Variants in LRCH1 observed in about 807,000 individuals in gnomAD.
LRCH1 encodes leucine-rich repeat and calponin homology domain-containing protein 1.
A neutral mutation model predicts 94.9 loss-of-function variants in LRCH1; 23 were observed. The ratio of observed to expected loss-of-function variants is 0.24; its 90% CI spans 0.17 to 0.34. The LOEUF is 0.34. Among genes scored for constraint, LRCH1 ranks in the 10% least tolerant of loss-of-function variants. The pLI is 1.00. For synonymous variants in LRCH1, 364 were observed against 354.9 expected, an observed-to-expected ratio of 1.03 and a Z score of -0.29; for missense variants, 790 against 945.9, an observed-to-expected ratio of 0.84 and a Z score of 2.16.
intron 7 of LRCH1, among the ~76,000 whole-genome samples, chr13:46,690,321 A>G (rs997742182): frequency 1.3e-5 from 2 of 152,132 alleles, no homozygotes; most frequent in African/African-American, 4.8e-5. Flanking sequence ...TCAGTGGGAG[A>G]GAGGGGATAC....
chr13:46,612,176 C>A (rs2050755051), intron 1 of LRCH1, among the ~76,000 whole-genome samples: 1 of 152,118 alleles, frequency 6.6e-6, no homozygotes, highest in African/African-American at 2.4e-5. Context: ...ACCTATGTGA[C>A]AAACCTGCAC....
At chr13:46,591,908 A>G (rs1476493345) in intron 1 of LRCH1, among the ~76,000 whole-genome samples, 1 of 152,242 alleles carries the variant, frequency 6.6e-6, no homozygotes, top group East Asian at 1.9e-4. Flanking sequence ...AGTATTAGCC[A>G]TGGAGTCATT....
intron 1 of LRCH1, among the ~76,000 whole-genome samples, chr13:46,564,479 C>G (rs915913818): frequency 6.6e-6 from 1 of 152,200 alleles, no homozygotes; most frequent in East Asian, 1.9e-4. Flanking sequence ...AATTCTCTCC[C>G]CTCTGGCCAT....
At chr13:46,583,870 C>T (rs1252008046) in intron 1 of LRCH1, among the ~76,000 whole-genome samples, 2 of 151,938 alleles carry the variant, frequency 1.3e-5, no homozygotes, top group African/African-American at 4.8e-5. Context: ...AAGCAATTCT[C>T]CTGCCTCAGC....
At position 46,723,242 on chromosome 13, in the gene LRCH1, A is replaced by T; in HGVS notation, c.1781A>T (p.Asn594Ile). Residue 594 changes from asparagine to isoleucine, a missense_variant, in exon 17 of 20, where the codon AAT becomes ATT. Asn to Ile is a moderately radical substitution (Grantham distance 149). Around this residue, in one of 3 missense-constraint regions of LRCH1, gnomAD observed 460 missense variants for 508.9 expected, o/e 0.90. Coordinates refer to ENST00000389797, the MANE Select transcript of LRCH1 (RefSeq NM_001164211.2). The part of the protein sequence containing the change: ...SDNVFLRPQR[N>I]LESIDPQFTI... ...GTAGTGTTTCTAAGACCTCAGAGAA[A>T]TTTGGAATCTATAGACCCGCAGTTT... 1 of 1,612,338 alleles carries T rather than the reference A, an allele frequency of 6.2e-7. No individual in the cohort carries two copies. The highest frequency in any genetic ancestry group is 2.2e-5 in the East Asian group (1 of 44,870).
intron 11 of LRCH1, 150 bp downstream of exon 11, chr13:46,701,357 C>A (rs1273783160): frequency 3.6e-6 from 2 of 558,736 alleles, no homozygotes; most frequent in African/African-American, 3.9e-5. Flanking sequence ...TGCCTGTTTT[C>A]CCAAGATGCA....
chr13:46,619,588 G>A (rs1184587147), intron 1 of LRCH1, among the ~76,000 whole-genome samples: 1 of 152,198 alleles, frequency 6.6e-6, no homozygotes, highest in East Asian at 1.9e-4. Flanking sequence ...TTTATAAAGA[G>A]AAGATACTTG....
intron 2 of LRCH1, among the ~76,000 whole-genome samples, chr13:46,652,972 C>G (rs890052551): frequency 6.6e-6 from 1 of 152,076 alleles, no homozygotes; most frequent in Non-Finnish European, 1.5e-5. Flanking sequence ...ATGTCACCCC[C>G]AGTTGAGAAT....
intron 2 of LRCH1, among the ~76,000 whole-genome samples, chr13:46,651,731 C>T (rs2051302773): frequency 7.1e-6 from 1 of 141,050 alleles, no homozygotes. Context: ...TATGCAGTCT[C>T]ACTCTGTCAC....
chr13:46,724,846 A>G (rs567538609), intron 17 of LRCH1, among the ~76,000 whole-genome samples: 4 of 152,332 alleles, frequency 2.6e-5, no homozygotes, highest in African/African-American at 9.6e-5. Context: ...CTGTAATCCC[A>G]TTACTGGGTA....
intron 1 of LRCH1, among the ~76,000 whole-genome samples, chr13:46,628,766 G>T (rs961458689): frequency 6.6e-6 from 1 of 151,812 alleles, no homozygotes; most frequent in African/African-American, 2.4e-5. Context: ...GCCTCACTAT[G>T]AATTTCACAT....
chr13:46,660,749 G>T (rs968168417), intron 2 of LRCH1, among the ~76,000 whole-genome samples: 1 of 151,982 alleles, frequency 6.6e-6, no homozygotes. Flanking sequence ...TAAAGCTTTG[G>T]TCTTCAATCT....
intron 1 of LRCH1, among the ~76,000 whole-genome samples, chr13:46,578,213 T>C (rs761209923): frequency 6.6e-6 from 1 of 152,182 alleles, no homozygotes; most frequent in Non-Finnish European, 1.5e-5. Flanking sequence ...GTCGTCTGTG[T>C]TTAATTTGGA....
At chr13:46,594,253 A>C (rs1230588264) in intron 1 of LRCH1, among the ~76,000 whole-genome samples, 1 of 152,172 alleles carries the variant, frequency 6.6e-6, no homozygotes, top group Non-Finnish European at 1.5e-5. Flanking sequence ...GAAAAAAAAA[A>C]AAAAAGTACA....
At position 46,654,387 on chromosome 13, in the gene LRCH1, T is replaced by C. The variant is rs549186522; in HGVS notation, c.452+4042T>C. Among the ~76,000 whole-genome samples the C allele has an allele frequency of 1.2e-4, 18 of 152,314 alleles. No individual in the cohort carries two copies. The South Asian group carries it at 3.7e-3, about 32-fold the overall frequency. On this transcript the variant is annotated intron_variant, in intron 2 of 19. Coordinates refer to ENST00000389797, the MANE Select transcript of LRCH1 (RefSeq NM_001164211.2). Reference sequence around the variant, plus strand: ...ATATTATTAAGTTAGCAAAATAAAATATATATTTTGTTGGGTATGGTGAAG... The same window carrying C: ...ATATTATTAAGTTAGCAAAATAAAACATATATTTTGTTGGGTATGGTGAAG...
Position 46,715,600 on chromosome 13 carries a change from T to TA in LRCH1, c.1696dup (p.Thr566AsnfsTer10). 2 of 1,537,214 alleles carry TA rather than the reference T, an allele frequency of 1.3e-6. No homozygotes were observed. Among genetic ancestry groups the TA allele is most frequent in the Non-Finnish European group, 1.7e-6 (2 of 1,146,834 alleles). Reference sequence around the variant, plus strand: ...TTCCTCCTATCTCCTTCAACACACTTACACAGGCACAGACATGGGACAGCT... The same window carrying TA: ...TTCCTCCTATCTCCTTCAACACACTTAACACAGGCACAGACATGGGACAGCT... On this transcript the variant is annotated frameshift_variant, in exon 16 of 20. Transcript: ENST00000389797. LOFTEE classifies it high-confidence loss of function.
At chr13:46,653,824 A>G (rs949319833) in intron 2 of LRCH1, among the ~76,000 whole-genome samples, 4 of 148,520 alleles carry the variant, frequency 2.7e-5, no homozygotes, top group African/African-American at 7.5e-5. Context: ...CCTGTCTCAA[A>G]AGAAAGAAAG....
intron 13 of LRCH1, among the ~76,000 whole-genome samples, chr13:46,709,044 A>G (rs1871923526): frequency 6.6e-6 from 1 of 152,200 alleles, no homozygotes; most frequent in South Asian, 2.1e-4. Flanking sequence ...TATTTGATGT[A>G]CAGATCTCTG....
chr13:46,685,180 A>G (rs548223656), intron 4 of LRCH1, among the ~76,000 whole-genome samples: 1 of 152,164 alleles, frequency 6.6e-6, no homozygotes, highest in Non-Finnish European at 1.5e-5. Flanking sequence ...GGCGTGGCCC[A>G]GCCTCTCTGC....
Sources: allele counts gnomAD v4.1 joint callset (sites outside exome capture counted in the v4.1 genomes callset), GRCh38; gene constraint gnomAD v4.1.1; regional missense constraint gnomAD v4.1.1; transcripts MANE v1.5; gene names NCBI Gene and HGNC (gene_info 2026-07-23, HGNC 2026-07-21).